Variants in TEX26 observed in about 807,000 individuals in gnomAD.
The protein encoded by TEX26 is testis-expressed protein 26.
TEX26 carries 34 observed loss-of-function variants against 35.3 expected under a neutral mutation model. That is an observed-to-expected ratio of 0.96 (90% CI 0.73 to 1.28). The LOEUF (loss-of-function observed/expected upper bound fraction) is 1.28, where lower values mean the gene tolerates loss of function less well. Ranked by LOEUF, TEX26 falls within the 50% of genes most tolerant of loss-of-function variation. The probability of loss-of-function intolerance (pLI) is 0.00; values close to 1 mark genes in which losing one functional copy is unlikely to be tolerated. For missense variants in TEX26, 371 were observed against 330.1 expected, an observed-to-expected ratio of 1.12 and a Z score of -0.96; for synonymous variants, 136 against 111.8, an observed-to-expected ratio of 1.22 and a Z score of -1.36.
rs879914132 is a variant in TEX26 at position 30,939,746 on chromosome 13, GC to G, written c.116del (p.Pro39LeufsTer9). The G allele has an allele frequency of 3.7e-6, 6 of 1,613,992 alleles. No homozygotes were observed. Among genetic ancestry groups the G allele is most frequent in the Non-Finnish European group, 4.2e-6 (5 of 1,179,920 alleles). Reference protein sequence around the residue: ...YATTMRTAFTPKTGAVPALIR... With the variant: ...YATTMRTAFTXKTGAVPALIR... ...CTACCACTATGAGGACTGCATTCAC[GC>G]CTAAAACAGGAGCAGTGCCTGCCTT... On this transcript the variant is annotated frameshift_variant, in exon 2 of 7. Transcript: ENST00000380473. LOFTEE classifies it high-confidence loss of function.
chr13:30,939,167 A>G (rs1953384260), intron 1 of TEX26, among the ~76,000 whole-genome samples: 1 of 152,256 alleles, frequency 6.6e-6, no homozygotes, highest in Admixed American at 6.5e-5. Flanking sequence ...CTCCACATGT[A>G]TGCAAAGAAA....
At chr13:30,950,211 G>A (rs1021264891) in intron 2 of TEX26, among the ~76,000 whole-genome samples, 6 of 152,176 alleles carry the variant, frequency 3.9e-5, no homozygotes, top group Non-Finnish European at 7.3e-5. Context: ...TTCAAGACCA[G>A]CCTGACCAAT....
intron 3 of TEX26, among the ~76,000 whole-genome samples, chr13:30,955,216 A>G (rs1954082814): frequency 6.6e-6 from 1 of 152,208 alleles, no homozygotes; most frequent in Non-Finnish European, 1.5e-5. Context: ...TGTTTTAAAT[A>G]AGTTTATGAA....
chr13:30,937,669 T>G (rs1486148891), intron 1 of TEX26, among the ~76,000 whole-genome samples: 2 of 152,216 alleles, frequency 1.3e-5, no homozygotes, highest in African/African-American at 4.8e-5. Context: ...ATGATGTCAT[T>G]TCTTGTAGAG....
chr13:30,969,914 T>C (rs1954659184), intron 6 of TEX26, among the ~76,000 whole-genome samples: 1 of 152,168 alleles, frequency 6.6e-6, no homozygotes, highest in Non-Finnish European at 1.5e-5. Flanking sequence ...TTTTGTGCTC[T>C]AGGCTATCTG....
At chr13:30,962,139 C>T (rs1442904648) in intron 4 of TEX26, among the ~76,000 whole-genome samples, 1 of 152,182 alleles carries the variant, frequency 6.6e-6, no homozygotes, top group Non-Finnish European at 1.5e-5. Flanking sequence ...GTGAGCTTTT[C>T]CAGTTTTGTG....
chr13:30,948,118 T>G (rs1238197840), intron 2 of TEX26, among the ~76,000 whole-genome samples: 2 of 152,226 alleles, frequency 1.3e-5, no homozygotes, highest in Non-Finnish European at 2.9e-5. Flanking sequence ...ATGTGTCACA[T>G]TTTCTTAATC....
chr13:30,956,735 G>T (rs1021555766), intron 3 of TEX26, 138 bp from the exon 4 acceptor site: 6 of 719,396 alleles, frequency 8.3e-6, no homozygotes, highest in African/African-American at 1.8e-5. Flanking sequence ...CTGTTGACGG[G>T]CTCCCAGCAT....
intron 1 of TEX26, among the ~76,000 whole-genome samples, chr13:30,934,769 C>T (rs1953207365): frequency 6.6e-6 from 1 of 152,140 alleles, no homozygotes; most frequent in African/African-American, 2.4e-5. Context: ...ACTGCAGCTA[C>T]AGACCCAGGC....
intron 2 of TEX26, among the ~76,000 whole-genome samples, chr13:30,944,475 T>C (rs914203598): frequency 2.6e-5 from 4 of 152,040 alleles, no homozygotes; most frequent in African/African-American, 9.6e-5. Context: ...TTTCTTTTCT[T>C]GTACTAGCTT....
At chr13:30,956,172 C>A (rs1954120700) in intron 3 of TEX26, among the ~76,000 whole-genome samples, 1 of 123,900 alleles carries the variant, frequency 8.1e-6, no homozygotes, top group Non-Finnish European at 1.7e-5. Flanking sequence ...CCCCTCCCCC[C>A]ACCCCACAAC....
At chr13:30,954,422 A>G (rs1218820370) in intron 3 of TEX26, among the ~76,000 whole-genome samples, 1 of 148,598 alleles carries the variant, frequency 6.7e-6, no homozygotes, top group Admixed American at 6.7e-5. Context: ...TATATATAAT[A>G]TAAAAATATG....
intron 4 of TEX26, among the ~76,000 whole-genome samples, chr13:30,960,049 A>G (rs1446830921): frequency 6.6e-6 from 1 of 152,214 alleles, no homozygotes; most frequent in African/African-American, 2.4e-5. Context: ...CAAACTATCA[A>G]GCAAGTCTAA....
chr13:30,952,001 A>ATTTTT (rs751918742), intron 2 of TEX26, among the ~76,000 whole-genome samples: 2 of 50,712 alleles, frequency 3.9e-5, no homozygotes, highest in African/African-American at 9.9e-5. Context: ...TTATTCTGGG[A>ATTTTT]TTTTTTTTTT....
At chr13:30,953,986 T>G (rs979233249) in intron 3 of TEX26, among the ~76,000 whole-genome samples, 1 of 152,172 alleles carries the variant, frequency 6.6e-6, no homozygotes, top group African/African-American at 2.4e-5. Flanking sequence ...CTTGGACAGC[T>G]GGTGTATGCA....
At chr13:30,951,323 T>C (rs1953912120) in intron 2 of TEX26, among the ~76,000 whole-genome samples, 1 of 146,942 alleles carries the variant, frequency 6.8e-6, no homozygotes, top group African/African-American at 2.5e-5. Flanking sequence ...ACCACTGCAC[T>C]CCAGCCTAGG....
chr13:30,935,676 T>A (rs1266554370), intron 1 of TEX26, among the ~76,000 whole-genome samples: 11 of 152,204 alleles, frequency 7.2e-5, no homozygotes, highest in Admixed American at 7.2e-4. Flanking sequence ...GACTTGCCTA[T>A]GGAGAGGAGC....
At chr13:30,943,776 C>T (rs1208120416) in intron 2 of TEX26, among the ~76,000 whole-genome samples, 1 of 151,894 alleles carries the variant, frequency 6.6e-6, no homozygotes, top group Non-Finnish European at 1.5e-5. Flanking sequence ...ATTTGACATG[C>T]ATATGTTAAA....
intron 5 of TEX26, 34 bp downstream of exon 5, chr13:30,966,432 CTTTTTTTTTTTT>C (rs10523710): frequency 3.5e-5 from 35 of 997,822 alleles, no homozygotes; most frequent in African/African-American, 1.3e-4. Flanking sequence ...TTCTTTTTCT[CTTTTTTTTTTTT>C]TTTTTTTTTT....
Sources: allele counts gnomAD v4.1 joint callset (sites outside exome capture counted in the v4.1 genomes callset), GRCh38; gene constraint gnomAD v4.1.1; transcripts MANE v1.5; gene names NCBI Gene and HGNC (gene_info 2026-07-23, HGNC 2026-07-21).